Variants in POLR1D observed in about 807,000 individuals in gnomAD.
POLR1D encodes RNA polymerase I and III subunit D.
Under a neutral mutation model 10.8 loss-of-function variants are expected in POLR1D, and 8 were observed. The ratio of observed to expected loss-of-function variants is 0.74; its 90% CI spans 0.43 to 1.33. The LOEUF (loss-of-function observed/expected upper bound fraction) is 1.33. Among genes scored for constraint, POLR1D ranks in the 40% most tolerant of loss-of-function variants. The probability of loss-of-function intolerance (pLI) is 0.01; values close to 1 mark genes in which losing one functional copy is unlikely to be tolerated. For missense variants in POLR1D, 152 were observed against 161.7 expected, an observed-to-expected ratio of 0.94 and a Z score of 0.32; for synonymous variants, 54 against 57.2, an observed-to-expected ratio of 0.94 and a Z score of 0.25.
intron 1 of POLR1D, among the ~76,000 whole-genome samples, chr13:27,635,683 AGTTACAAAGTAACTATATATATATAT>A (rs1489698824): frequency 7.5e-4 from 103 of 136,994 alleles, no homozygotes; most frequent in African/African-American, 2.3e-3. Context: ...AGTGCTCTAT[AGTTACAAAGTAACTATATATATATAT>A]ATATATATAT....
At chr13:27,649,630 A>G (rs982039113) in intron 2 of POLR1D, among the ~76,000 whole-genome samples, 3 of 152,202 alleles carry the variant, frequency 2.0e-5, no homozygotes, top group Admixed American at 1.3e-4. Flanking sequence ...AAACCTACCT[A>G]TAATCCTAAA....
chr13:27,639,995 A>C (rs967920093), intron 1 of POLR1D, among the ~76,000 whole-genome samples: 1 of 152,124 alleles, frequency 6.6e-6, no homozygotes, highest in Non-Finnish European at 1.5e-5. Context: ...AGGCCGTATC[A>C]TTTATCGGCT....
At chr13:27,624,848 A>G (rs1955992570), downstream of POLR1D, among the ~76,000 whole-genome samples, 1 of 152,198 alleles carries the variant, frequency 6.6e-6, no homozygotes, top group Non-Finnish European at 1.5e-5. Flanking sequence ...TGATCACACC[A>G]TTGCACTCCA....
intron 2 of POLR1D, among the ~76,000 whole-genome samples, chr13:27,658,988 A>C (rs2138570016): frequency 6.6e-6 from 1 of 152,310 alleles, no homozygotes; most frequent in East Asian, 1.9e-4. Flanking sequence ...AGAGAAAATG[A>C]TTCTTGAGTT....
chr13:27,627,033 G>A (rs1010719248), downstream of POLR1D, among the ~76,000 whole-genome samples: 2 of 152,122 alleles, frequency 1.3e-5, no homozygotes, highest in African/African-American at 2.4e-5. Flanking sequence ...CCTTAAACAC[G>A]TTATTCAGAT....
At chr13:27,634,286 G>A (rs616662) in intron 1 of POLR1D, among the ~76,000 whole-genome samples, 104,339 of 152,070 alleles carry the variant, frequency 0.69, 37,889 homozygotes, top group East Asian at 0.84. Context: ...GTCTTTAGAA[G>A]TGTTAGCTTA....
intron 2 of POLR1D, among the ~76,000 whole-genome samples, chr13:27,652,907 A>ACTTCTTTTTTTT (rs1365436145): frequency 1.3e-5 from 1 of 78,528 alleles, no homozygotes; most frequent in African/African-American, 6.0e-5. Flanking sequence ...TGCATTTACC[A>ACTTCTTTTTTTT]TTTCTTTTTT....
intron 1 of POLR1D, among the ~76,000 whole-genome samples, chr13:27,629,500 T>A (rs554408664): frequency 6.6e-6 from 1 of 152,326 alleles, no homozygotes. Context: ...CTGGGTTGGT[T>A]TATATTCCTT....
chr13:27,632,133 C>T (rs373210435), intron 1 of POLR1D, among the ~76,000 whole-genome samples: 13 of 152,320 alleles, frequency 8.5e-5, no homozygotes, highest in African/African-American at 2.2e-4. Flanking sequence ...GATCCCATGC[C>T]TCATCTGTTG....
rs1190115686 is a variant in POLR1D, at chr13:27,623,164, G to C, written c.316G>C (p.Val106Leu). 6.2e-7 allele frequency: 1 copy of C among 1,614,164 alleles called. No homozygotes were observed. The highest frequency in any genetic ancestry group is 1.7e-5 in the Admixed American group (1 of 60,026). ...GAGAGGCCTGAATGAGCTCATGAAT[G>C]TCTGCCAACATGTGCTTGACAAGTT... is the stretch of plus-strand genomic sequence containing the variant. ...FQRGLNELMN[V>L]CQHVLDKFEA... The change falls in exon 2 of 2, where the codon GTC becomes CTC. Residue 106 changes from valine to leucine, a missense_variant. Physicochemically the swap from Val to Leu is conservative, Grantham distance 32. Coordinates refer to ENST00000302979, the MANE Select transcript of POLR1D (RefSeq NM_015972.4).
intron 1 of POLR1D, among the ~76,000 whole-genome samples, chr13:27,622,572 T>A (rs1955956898): frequency 6.6e-6 from 1 of 152,188 alleles, no homozygotes. Context: ...CCTATTCTAA[T>A]CCTATCCCTT....
chr13:27,667,369 A>G (rs1251110919), exon 3 of POLR1D: 2 of 152,236 alleles, frequency 1.3e-5, no homozygotes, highest in Non-Finnish European at 2.9e-5. Context: ...TGGAGTTTTT[A>G]AAAATTGTTA....
At chr13:27,647,834 A>AG (rs546556825) in intron 1 of POLR1D, among the ~76,000 whole-genome samples, 1 of 152,312 alleles carries the variant, frequency 6.6e-6, no homozygotes, top group Non-Finnish European at 1.5e-5. Context: ...AGGACAAAGT[A>AG]AAAAATTTTT....
intron 2 of POLR1D, chr13:27,648,555 G>C (rs1215449766): frequency 1.4e-6 from 1 of 712,920 alleles, no homozygotes; most frequent in East Asian, 3.0e-5. Flanking sequence ...GGAAACCATG[G>C]AAGCAGAGGA....
Position 27,634,894 on chromosome 13 carries a change from C to T in POLR1D, c.26+12885C>T, listed in dbSNP as rs575309516. ...TTTTGCATGTTGCCCAGCCTGGTCT[C>T]GAACTCCTGAGCTCAACCTATCCAC... On this transcript the variant is annotated intron_variant, in intron 1 of 2. Transcript: ENST00000399697. Among the ~76,000 whole-genome samples, 50 of 152,026 alleles carry T rather than the reference C, an allele frequency of 3.3e-4. 1 individual carries two copies. The highest frequency in any genetic ancestry group is 7.5e-4 in the African/African-American group (31 of 41,446).
intron 1 of POLR1D, chr13:27,648,126 A>G: frequency 2.9e-6 from 1 of 347,600 alleles, no homozygotes; most frequent in Non-Finnish European, 5.4e-6. Flanking sequence ...TTAAGGATAT[A>G]TGATTTAACT....
chr13:27,621,823 G>C (rs886050106), upstream of POLR1D: 2 of 697,486 alleles, frequency 2.9e-6, no homozygotes, highest in Admixed American at 2.4e-5. Flanking sequence ...CCGCCCCGCG[G>C]CTGGGCCCTG....
chr13:27,652,502 A>G (rs1358597591), intron 2 of POLR1D, among the ~76,000 whole-genome samples: 1 of 152,210 alleles, frequency 6.6e-6, no homozygotes, highest in Admixed American at 6.5e-5. Context: ...TCTTTTCTAC[A>G]TAGTCTAATA....
intron 2 of POLR1D, among the ~76,000 whole-genome samples, chr13:27,658,058 T>C (rs1228547479): frequency 6.6e-6 from 1 of 152,162 alleles, no homozygotes; most frequent in African/African-American, 2.4e-5. Flanking sequence ...GTGAGAAACT[T>C]TTAACCACTA....
Sources: allele counts gnomAD v4.1 joint callset (sites outside exome capture counted in the v4.1 genomes callset), GRCh38; gene constraint gnomAD v4.1.1; transcripts MANE v1.5; gene names NCBI Gene and HGNC (gene_info 2026-07-23, HGNC 2026-07-21).